Variants in MRTFB observed in about 807,000 individuals in gnomAD.
The protein encoded by MRTFB is myocardin related transcription factor B.
In MRTFB, 29 loss-of-function variants were observed where a neutral mutation model predicts 104.2. The observed-to-expected ratio is 0.28, with a 90% confidence interval of 0.21 to 0.38. The LOEUF (loss-of-function observed/expected upper bound fraction) is 0.38. Ranked by LOEUF, MRTFB falls within the 10% of genes least tolerant of loss-of-function variation. The pLI is 1.00. For synonymous variants in MRTFB, 535 were observed against 519.5 expected, an observed-to-expected ratio of 1.03 and a Z score of -0.41; for missense variants, 1,270 against 1,341.6, an observed-to-expected ratio of 0.95 and a Z score of 0.83.
Position 14,251,984 on chromosome 16 carries a change from G to A in MRTFB, c.2526G>A (p.Pro842=), listed in dbSNP as rs200458362. 99 of 1,613,988 alleles carry A rather than the reference G, an allele frequency of 6.1e-5. No homozygotes were observed. Among genetic ancestry groups the A allele is most frequent in the Non-Finnish European group, 8.0e-5 (94 of 1,180,032 alleles). Residue 842 remains proline (P), a synonymous_variant, in exon 14 of 17, where the codon CCG becomes CCA. Transcript: ENST00000571589. The stretch of plus-strand genomic sequence containing the variant: ...GTGTTCTTCAATCCAGAAATGCTCC[G>A]CTTCCATCCCTGCAAAATGGACCTA... ...SNSVLQSRNA[P]LPSLQNGPNT... is the part of the protein sequence containing the mutation.
the MRTFB span, among the ~76,000 whole-genome samples, chr16:14,017,593 G>GTATATATATATATA: frequency 3.4e-5 from 2 of 59,108 alleles, no homozygotes; most frequent in Non-Finnish European, 6.2e-5. Context: ...ACTGACTACA[G>GTATATATATATATA]TATATATATA....
At chr16:14,081,207 G>T (rs1458094960) in intron 2 of MRTFB, among the ~76,000 whole-genome samples, 1 of 151,916 alleles carries the variant, frequency 6.6e-6, no homozygotes, top group East Asian at 1.9e-4. Context: ...CAGGAGTGAG[G>T]TGATATCTCA....
the MRTFB span, among the ~76,000 whole-genome samples, chr16:13,996,810 G>A: frequency 6.6e-6 from 1 of 152,312 alleles, no homozygotes; most frequent in African/African-American, 2.4e-5. Context: ...TTTCTGTTGA[G>A]TACAGGGACA....
chr16:14,245,752 C>T, intron 11 of MRTFB, 92 bp downstream of exon 11: 1 of 1,351,732 alleles, frequency 7.4e-7, no homozygotes, highest in East Asian at 2.4e-5. Context: ...AAGTAGTTTT[C>T]AGTAGACATT....
chr16:14,061,454 G>A, the MRTFB span, among the ~76,000 whole-genome samples: 1 of 151,892 alleles, frequency 6.6e-6, no homozygotes, highest in African/African-American at 2.4e-5. Flanking sequence ...TATGAAGCTG[G>A]CATCACTAAC....
At chr16:14,109,562 A>G (rs755164684) in intron 2 of MRTFB, among the ~76,000 whole-genome samples, 12 of 152,176 alleles carry the variant, frequency 7.9e-5, no homozygotes, top group East Asian at 1.9e-4. Flanking sequence ...CTAAATAGCT[A>G]TTTTAATATG....
intron 2 of MRTFB, among the ~76,000 whole-genome samples, chr16:14,128,920 C>T (rs2037299417): frequency 6.6e-6 from 1 of 152,200 alleles, no homozygotes; most frequent in African/African-American, 2.4e-5. Flanking sequence ...AGTTCCATCA[C>T]CCAAAAATCT....
At chr16:14,232,738 A>G (rs995992066) in intron 8 of MRTFB, among the ~76,000 whole-genome samples, 1 of 152,208 alleles carries the variant, frequency 6.6e-6, no homozygotes, top group African/African-American at 2.4e-5. Flanking sequence ...GCCAGAAGAA[A>G]TGCCCATTCA....
intron 2 of MRTFB, among the ~76,000 whole-genome samples, chr16:14,127,925 ATATATTTT>A (rs1213284156): frequency 5.2e-5 from 2 of 38,432 alleles, no homozygotes; most frequent in African/African-American, 3.7e-4. Context: ...ATATATATAT[ATATATTTT>A]TTTTTTTTTT....
intron 3 of MRTFB, among the ~76,000 whole-genome samples, chr16:14,167,335 C>T (rs577123442): frequency 6.6e-6 from 1 of 151,586 alleles, no homozygotes; most frequent in South Asian, 2.1e-4. Context: ...ATTTCCTGTC[C>T]TTTGCCTACT....
At chr16:14,100,029 A>C (rs1020137602) in intron 2 of MRTFB, among the ~76,000 whole-genome samples, 1 of 152,202 alleles carries the variant, frequency 6.6e-6, no homozygotes, top group South Asian at 2.1e-4. Context: ...TTTCATAATC[A>C]TGTTATTTTT....
chr16:14,244,230 T>TTTG (rs919016363), intron 10 of MRTFB, among the ~76,000 whole-genome samples: 1 of 152,130 alleles, frequency 6.6e-6, no homozygotes, highest in Non-Finnish European at 1.5e-5. Flanking sequence ...GCAGTTCATT[T>TTTG]TTGTTGTTGT....
chr16:14,216,737 C>G (rs1293551820), intron 6 of MRTFB, among the ~76,000 whole-genome samples: 1 of 152,170 alleles, frequency 6.6e-6, no homozygotes, highest in Non-Finnish European at 1.5e-5. Flanking sequence ...AATTGACTTT[C>G]CAATGAAGCC....
At chr16:14,011,150 G>C in the MRTFB span, among the ~76,000 whole-genome samples, 1 of 152,216 alleles carries the variant, frequency 6.6e-6, no homozygotes, top group Non-Finnish European at 1.5e-5. Context: ...AAATGAAATT[G>C]TTGGGCGATG....
rs1353803940 is a variant in MRTFB, at chr16:14,240,157, CA to C, written c.832-77del. 8 of 1,461,430 alleles carry C rather than the reference CA, an allele frequency of 5.5e-6. No homozygotes were observed. The African/African-American group carries it at 1.1e-4, about 21-fold the overall frequency. The allele number at this position is 1,461,430 out of a possible 1,614,324, so 90.5% of individuals were successfully genotyped here. ...TCTAAGGTACATTTCTTTTTAATTT[CA>C]AATCATTTAGTCACGCAGTACAAAA... On this transcript the variant is annotated intron_variant, in intron 9 of 16. Transcript: ENST00000571589.
the MRTFB span, among the ~76,000 whole-genome samples, chr16:14,041,173 G>A: frequency 6.6e-6 from 1 of 151,794 alleles, no homozygotes; most frequent in Non-Finnish European, 1.5e-5. Context: ...AGGAGGGGAG[G>A]GGAGGATTTT....
Position 14,249,007 on chromosome 16 carries a change from T to C in MRTFB, c.2329T>C (p.Leu777=), listed in dbSNP as rs1169237280. 6.2e-7 allele frequency: 1 copy of C among 1,614,220 alleles called. No individual in the cohort carries two copies. Among genetic ancestry groups the C allele is most frequent in the South Asian group, 1.1e-5 (1 of 91,082 alleles). ...ACCAACTGCTGCCTTGGCCTCAGGCTTGGCCCCAACTGTACCTCAGACACA... is the reference window on the plus strand; with the variant it reads ...ACCAACTGCTGCCTTGGCCTCAGGCCTGGCCCCAACTGTACCTCAGACACA... ...QIPTAALASG[L]APTVPQTQDT... Residue 777 remains leucine (L), a synonymous_variant, in exon 13 of 17, where the codon TTG becomes CTG. Coordinates refer to ENST00000571589, the MANE Select transcript of MRTFB (RefSeq NM_001308142.2).
intron 3 of MRTFB, among the ~76,000 whole-genome samples, chr16:14,156,171 T>C (rs192807323): frequency 6.6e-6 from 1 of 152,236 alleles, no homozygotes; most frequent in Non-Finnish European, 1.5e-5. Flanking sequence ...AATTGTTTCA[T>C]GTATTTTGCC....
chr16:14,217,949 C>T (rs1162341016), intron 7 of MRTFB, among the ~76,000 whole-genome samples: 1 of 152,192 alleles, frequency 6.6e-6, no homozygotes, highest in Non-Finnish European at 1.5e-5. Context: ...AGCAGAAAAA[C>T]AGAAAAAATC....
Sources: gnomAD v4.1 joint callset for allele counts (sites outside exome capture counted in the v4.1 genomes callset) on GRCh38, gnomAD v4.1.1 for gene constraint, MANE v1.5 for transcripts, NCBI Gene and HGNC (gene_info 2026-07-23, HGNC 2026-07-21) for gene names.